Variants in PDE8B observed in about 807,000 individuals in gnomAD.
PDE8B encodes high affinity cAMP-specific and IBMX-insensitive 3',5'-cyclic phosphodiesterase 8B.
Under a neutral mutation model 101.3 loss-of-function variants are expected in PDE8B, and 26 were observed. That is an observed-to-expected ratio of 0.26 (90% CI 0.19 to 0.36). The LOEUF (loss-of-function observed/expected upper bound fraction) is 0.36, where lower values mean the gene tolerates loss of function less well. Among genes scored for constraint, PDE8B ranks in the 10% least tolerant of loss-of-function variants. PDE8B has a pLI of 1.00. For synonymous variants in PDE8B, 424 were observed against 429.3 expected (o/e 0.99, Z 0.15); for missense variants, 810 against 1,163.1 (o/e 0.70, Z 4.42).
At chr5:77,135,264 C>T in the PDE8B span, among the ~76,000 whole-genome samples, 1 of 152,168 alleles carries the variant, frequency 6.6e-6, no homozygotes, top group Non-Finnish European at 1.5e-5. Flanking sequence ...TTCTTCTGCT[C>T]TGCATTCCTT....
intron 10 of PDE8B, among the ~76,000 whole-genome samples, chr5:77,394,597 C>T (rs138107637): frequency 1.8e-4 from 27 of 152,278 alleles, no homozygotes; most frequent in African/African-American, 6.0e-4. Flanking sequence ...TAATATTGCT[C>T]AAAGGGCAGA....
intron 20 of PDE8B, among the ~76,000 whole-genome samples, chr5:77,422,413 G>A (rs1430076967): frequency 1.3e-5 from 2 of 152,152 alleles, no homozygotes; most frequent in Non-Finnish European, 2.9e-5. Flanking sequence ...CCACATGTTA[G>A]TAAAAAATGA....
intron 9 of PDE8B, among the ~76,000 whole-genome samples, chr5:77,352,502 A>G (rs942460119): frequency 6.6e-6 from 1 of 152,208 alleles, no homozygotes; most frequent in Non-Finnish European, 1.5e-5. Context: ...TTTCCCTGTA[A>G]TTGTAGGCAG....
At chr5:77,353,322 TA>T in intron 9 of PDE8B, 23 bp from the exon 10 acceptor site, 2 of 1,323,178 alleles carry the variant, frequency 1.5e-6, no homozygotes, top group Non-Finnish European at 2.2e-6. Flanking sequence ...TCTGACTCAC[TA>T]ATAACTGATT....
At chr5:77,144,562 A>G in the PDE8B span, 1 of 151,546 alleles carries the variant, frequency 6.6e-6, no homozygotes, top group African/African-American at 2.4e-5. Context: ...TTGTATGAAG[A>G]CTAGATATAT....
chr5:77,356,019 C>T (rs938241477), intron 10 of PDE8B, among the ~76,000 whole-genome samples: 4 of 152,222 alleles, frequency 2.6e-5, no homozygotes, highest in African/African-American at 9.6e-5. Context: ...ATGTGGCCTG[C>T]AGAGCTTAAA....
chr5:77,424,814 T>G (rs1027920938), intron 20 of PDE8B, among the ~76,000 whole-genome samples: 2 of 93,780 alleles, frequency 2.1e-5, no homozygotes, highest in African/African-American at 7.1e-5. Context: ...TGGTTCTGTT[T>G]TTTTGTTTTT....
At chr5:77,308,155 T>G (rs896997709) in intron 1 of PDE8B, among the ~76,000 whole-genome samples, 2 of 152,216 alleles carry the variant, frequency 1.3e-5, no homozygotes, top group Non-Finnish European at 1.5e-5. Flanking sequence ...GGTCACTACC[T>G]AGTGCCAGCC....
chr5:77,102,938 G>T, the PDE8B span, among the ~76,000 whole-genome samples: 1 of 152,226 alleles, frequency 6.6e-6, no homozygotes, highest in Non-Finnish European at 1.5e-5. Flanking sequence ...CACGTGGTCA[G>T]AGTAGGTCGG....
At chr5:77,168,090 CA>C in the PDE8B span, among the ~76,000 whole-genome samples, 3 of 152,160 alleles carry the variant, frequency 2.0e-5, no homozygotes, top group Non-Finnish European at 1.5e-5. Context: ...TGTTGGGAAC[CA>C]AGTGATGACA....
intron 10 of PDE8B, among the ~76,000 whole-genome samples, chr5:77,398,016 G>A (rs1391897438): frequency 6.6e-5 from 10 of 151,898 alleles, no homozygotes; most frequent in Admixed American, 5.2e-4. Flanking sequence ...GGTTTCATGA[G>A]GAAAAAGAGA....
At chr5:77,197,884 TG>T in the PDE8B span, among the ~76,000 whole-genome samples, 1 of 123,342 alleles carries the variant, frequency 8.1e-6, no homozygotes, top group Non-Finnish European at 1.7e-5. Context: ...TCACAATGCT[TG>T]TTTTTTTTCA....
chr5:77,089,222 G>C, the PDE8B span: 3 of 152,252 alleles, frequency 2.0e-5, no homozygotes, highest in Non-Finnish European at 4.4e-5. Flanking sequence ...TGTCACATCA[G>C]CTGGGGCATT....
At position 77,243,982 on chromosome 5, in the gene PDE8B, A is replaced by C. The variant is rs77891342; in HGVS notation, c.339+32718A>C. ...CCGCTGCATCCTTTTCTGCTTGATT[A>C]AATGGTTAATGTTTGGTCTGAACTT... On this transcript the variant is annotated intron_variant, in intron 1 of 21. Coordinates refer to ENST00000264917, the MANE Select transcript of PDE8B (RefSeq NM_003719.5). Among the ~76,000 whole-genome samples, 704 of 152,052 alleles carry C rather than the reference A, an allele frequency of 4.6e-3. 6 individuals carry two copies. Among genetic ancestry groups the C allele is most frequent in the Non-Finnish European group, 7.3e-3 (496 of 68,000 alleles).
At chr5:77,393,414 A>C (rs954622999) in intron 10 of PDE8B, among the ~76,000 whole-genome samples, 1 of 151,796 alleles carries the variant, frequency 6.6e-6, no homozygotes, top group Non-Finnish European at 1.5e-5. Context: ...AAAGAAAGAA[A>C]GAAAAAGAAA....
intron 1 of PDE8B, chr5:77,291,777 C>G (rs1767414387): frequency 1.3e-6 from 2 of 1,578,388 alleles, no homozygotes; most frequent in South Asian, 1.1e-5. Context: ...AGACTTTCCT[C>G]TGGCCCAAGG....
intron 2 of PDE8B, among the ~76,000 whole-genome samples, chr5:77,316,004 G>A (rs1428028188): frequency 6.6e-6 from 1 of 151,754 alleles, no homozygotes; most frequent in African/African-American, 2.4e-5. Flanking sequence ...AAAAATATGG[G>A]AAATAAAATC....
chr5:77,280,636 C>T (rs1405611065), intron 1 of PDE8B, among the ~76,000 whole-genome samples: 3 of 152,192 alleles, frequency 2.0e-5, no homozygotes, highest in African/African-American at 7.2e-5. Context: ...TGGCTCACGC[C>T]TGTAATCCCA....
At chr5:77,195,821 A>G in the PDE8B span, among the ~76,000 whole-genome samples, 3 of 152,230 alleles carry the variant, frequency 2.0e-5, no homozygotes, top group Non-Finnish European at 2.9e-5. Flanking sequence ...GGATCATCAT[A>G]AAGGTCTTCA....
Sources: gnomAD v4.1 joint callset for allele counts (sites outside exome capture counted in the v4.1 genomes callset) on GRCh38, gnomAD v4.1.1 for gene constraint, MANE v1.5 for transcripts, NCBI Gene and HGNC (gene_info 2026-07-23, HGNC 2026-07-21) for gene names.